MAGI2: variants seen among roughly 807,000 people sequenced by gnomAD.
MAGI2 encodes membrane associated guanylate kinase, WW and PDZ domain containing 2, also known as membrane-associated guanylate kinase, WW and PDZ domain-containing protein 2.
In MAGI2, 35 loss-of-function variants were observed where a neutral mutation model predicts 133.3. The ratio of observed to expected loss-of-function variants is 0.26; its 90% CI spans 0.20 to 0.35. The LOEUF (loss-of-function observed/expected upper bound fraction) is 0.35. MAGI2 is among the 10% of genes least tolerant of loss of function. MAGI2 has a pLI of 1.00. For missense variants in MAGI2, 1,636 were observed against 1,863.4 expected (o/e 0.88, Z 2.25); for synonymous variants, 729 against 710.6 (o/e 1.03, Z -0.41).
At chr7:78,437,185 C>T (rs1170401344) in intron 6 of MAGI2, among the ~76,000 whole-genome samples, 1 of 152,150 alleles carries the variant, frequency 6.6e-6, no homozygotes, top group East Asian at 1.9e-4. Flanking sequence ...CATGGTGTGT[C>T]AGGCAATCCA....
chr7:78,200,190 G>T (rs960644839), intron 11 of MAGI2, among the ~76,000 whole-genome samples: 4 of 152,180 alleles, frequency 2.6e-5, no homozygotes, highest in Non-Finnish European at 4.4e-5. Context: ...AGAGTGTTCT[G>T]CTTTGCTGCA....
At chr7:79,302,168 A>T (rs1837441011) in intron 1 of MAGI2, among the ~76,000 whole-genome samples, 1 of 152,214 alleles carries the variant, frequency 6.6e-6, no homozygotes, top group Non-Finnish European at 1.5e-5. Flanking sequence ...AACCATAAGA[A>T]CCAGCAATAA....
intron 2 of MAGI2, among the ~76,000 whole-genome samples, chr7:78,913,168 G>T (rs1428442101): frequency 1.3e-5 from 2 of 152,038 alleles, no homozygotes; most frequent in African/African-American, 4.8e-5. Context: ...GATATGGTTT[G>T]GCTCTGTGTC....
At chr7:78,952,250 T>A (rs1416873421) in intron 2 of MAGI2, among the ~76,000 whole-genome samples, 2 of 152,130 alleles carry the variant, frequency 1.3e-5, no homozygotes, top group East Asian at 3.9e-4. Flanking sequence ...GTGGGGTCAT[T>A]GTCTCTGCCA....
At position 78,357,071 on chromosome 7, in the gene MAGI2, A is replaced by G. The variant is rs190497758; in HGVS notation, c.1104-11028T>C. ...GATAAAATATAGAAAATGTTTAAAG[A>G]TGAAGCACTGTATAAATTTGATTTT... is the stretch of plus-strand genomic sequence containing the variant. On this transcript the variant is annotated intron_variant, in intron 7 of 21. Transcript: ENST00000354212. Among the ~76,000 whole-genome samples, 11 of 152,364 alleles carry G rather than the reference A, an allele frequency of 7.2e-5. No homozygotes were observed. The East Asian group carries it at 2.1e-3, about 29-fold the overall frequency.
chr7:78,867,790 A>G (rs1026749061), intron 2 of MAGI2, among the ~76,000 whole-genome samples: 1 of 152,162 alleles, frequency 6.6e-6, no homozygotes, highest in African/African-American at 2.4e-5. Context: ...CTGTAACATA[A>G]GAGTAAGAGA....
At chr7:78,582,355 C>G (rs1208237785) in intron 3 of MAGI2, among the ~76,000 whole-genome samples, 1 of 152,132 alleles carries the variant, frequency 6.6e-6, no homozygotes, top group Non-Finnish European at 1.5e-5. Flanking sequence ...CCTGTCCTCA[C>G]TGAACAGAAA....
Position 79,453,532 on chromosome 7 carries a change from G to C in MAGI2, c.-212C>G. On this transcript the variant is annotated 5_prime_UTR_variant, in exon 1 of 22. Transcript: ENST00000354212. Reference sequence around the variant, plus strand: ...GGGACGGCTGGGCAGAGGTAGGAGAGCTTGGATGAGGTTGTGCTGTCCCTT... The same window carrying C: ...GGGACGGCTGGGCAGAGGTAGGAGACCTTGGATGAGGTTGTGCTGTCCCTT... 7.3e-7 allele frequency: 1 copy of C among 1,366,360 alleles called. No individual in the cohort carries two copies. The highest frequency in any genetic ancestry group is 2.7e-4 in the Middle Eastern group (1 of 3,678). The allele number at this position is 1,366,360 out of a possible 1,614,324, so 84.6% of individuals were successfully genotyped here. A position where few individuals can be genotyped will look rare whatever the true frequency, so the allele number is the denominator to read the frequency against.
At chr7:78,644,361 A>G (rs1563287289) in intron 2 of MAGI2, among the ~76,000 whole-genome samples, 2 of 152,106 alleles carry the variant, frequency 1.3e-5, no homozygotes, top group South Asian at 2.1e-4. Flanking sequence ...AATATACACT[A>G]TTTTTAATTG....
At chr7:78,240,801 A>G (rs1791055257) in intron 10 of MAGI2, among the ~76,000 whole-genome samples, 1 of 152,232 alleles carries the variant, frequency 6.6e-6, no homozygotes, top group South Asian at 2.1e-4. Flanking sequence ...TCTCATCACA[A>G]AAATAATTAT....
chr7:78,954,136 C>T (rs1480585977), intron 2 of MAGI2, among the ~76,000 whole-genome samples: 1 of 152,022 alleles, frequency 6.6e-6, no homozygotes, highest in Non-Finnish European at 1.5e-5. Context: ...GAGAGAGAAA[C>T]CTGGATAATA....
chr7:78,254,767 C>T (rs1025999944), intron 10 of MAGI2: 2 of 152,196 alleles, frequency 1.3e-5, no homozygotes, highest in Admixed American at 6.5e-5. Flanking sequence ...GAGTTTCAGG[C>T]TGTTTTGAGT....
At chr7:78,578,298 G>A (rs145360464) in intron 3 of MAGI2, among the ~76,000 whole-genome samples, 21 of 152,036 alleles carry the variant, frequency 1.4e-4, no homozygotes, top group Non-Finnish European at 2.8e-4. Context: ...TTGAGAGAGA[G>A]CTATGAAGAT....
At chr7:79,045,264 G>A (rs1812067690) in intron 1 of MAGI2, among the ~76,000 whole-genome samples, 2 of 152,122 alleles carry the variant, frequency 1.3e-5, no homozygotes. Flanking sequence ...GGACATGATG[G>A]AAATATTTTA....
At chr7:78,730,938 C>G (rs571366650) in intron 2 of MAGI2, among the ~76,000 whole-genome samples, 1 of 152,196 alleles carries the variant, frequency 6.6e-6, no homozygotes, top group African/African-American at 2.4e-5. Flanking sequence ...CCTTAAAAAT[C>G]TCTCCTTACA....
chr7:78,346,684 G>A (rs1239422960), intron 7 of MAGI2, among the ~76,000 whole-genome samples: 1 of 152,190 alleles, frequency 6.6e-6, no homozygotes, highest in Non-Finnish European at 1.5e-5. Flanking sequence ...CTGTTGCCCA[G>A]CTAAACTGAG....
At chr7:78,974,847 A>G (rs1470946928) in intron 2 of MAGI2, among the ~76,000 whole-genome samples, 1 of 151,780 alleles carries the variant, frequency 6.6e-6, no homozygotes, top group Non-Finnish European at 1.5e-5. Flanking sequence ...AACACCTATA[A>G]TCTAAGTAGT....
At chr7:79,347,139 T>A (rs17152336) in intron 1 of MAGI2, among the ~76,000 whole-genome samples, 46,999 of 151,796 alleles carry the variant, frequency 0.31, 7,568 homozygotes, top group Admixed American at 0.38. Flanking sequence ...GCTTGAACAA[T>A]GTTTTATTTT....
intron 1 of MAGI2, among the ~76,000 whole-genome samples, chr7:79,249,778 A>G (rs896983047): frequency 5.3e-5 from 8 of 152,198 alleles, no homozygotes; most frequent in Admixed American, 2.0e-4. Flanking sequence ...GGAAGAGGGA[A>G]TACTTCCAAA....
Sources: gnomAD v4.1 joint callset for allele counts (sites outside exome capture counted in the v4.1 genomes callset) on GRCh38, gnomAD v4.1.1 for gene constraint, MANE v1.5 for transcripts, NCBI Gene and HGNC (gene_info 2026-07-23, HGNC 2026-07-21) for gene names.